Variants in ZNF568 observed in about 807,000 individuals in gnomAD.
The protein encoded by ZNF568 is p53 inhibitor of SCO2 activation.
In ZNF568, 11 loss-of-function variants were observed where a neutral mutation model predicts 18.1. The observed-to-expected ratio is 0.61, with a 90% CI of 0.38 to 1.00. The LOEUF (loss-of-function observed/expected upper bound fraction) is 1.00, where lower values mean the gene tolerates loss of function less well. Ranked by LOEUF, ZNF568 falls within the 50% of genes least tolerant of loss-of-function variation. The pLI is 0.01. For synonymous variants in ZNF568, 213 were observed against 246.6 expected (o/e 0.86, Z 1.28); for missense variants, 639 against 768.2 (o/e 0.83, Z 1.99).
At chr19:36,936,398 A>C (rs941196999) in intron 4 of ZNF568, among the ~76,000 whole-genome samples, 2 of 149,336 alleles carry the variant, frequency 1.3e-5, no homozygotes, top group Non-Finnish European at 3.0e-5. Context: ...GTGTTGATTC[A>C]AGTTCTAGTA....
chr19:36,986,175 C>G (rs1355513831), intron 2 of ZNF568, among the ~76,000 whole-genome samples: 6 of 152,142 alleles, frequency 3.9e-5, no homozygotes, highest in Non-Finnish European at 7.3e-5. Context: ...GAAAATGTTT[C>G]CCTTCTGCCA....
chr19:36,933,898 G>GTTTTTT lies in ZNF568; in HGVS notation c.136-2848_136-2847insTTTTTT, dbSNP rs200880642. Among the ~76,000 whole-genome samples, 17 of 25,760 alleles carry GTTTTTT rather than the reference G, an allele frequency of 6.6e-4. 3 individuals are homozygous for GTTTTTT. The highest frequency in any genetic ancestry group is 4.5e-3 in the African/African-American group (16 of 3,564). The allele number at this position is 25,760 out of a possible 152,430, so 16.9% of individuals were successfully genotyped here. ...TAGGCCTGAGTTTTTCTTTTGGGTA[G>GTTTTTT]GTTTTTTTTTTTGTTTTGTTTTTTT... On this transcript the variant is annotated intron_variant, in intron 4 of 6. Coordinates refer to ENST00000333987, the MANE Select transcript of ZNF568 (RefSeq NM_198539.4).
At chr19:36,919,442 G>T (rs1459664666) in intron 2 of ZNF568, among the ~76,000 whole-genome samples, 1 of 152,148 alleles carries the variant, frequency 6.6e-6, no homozygotes, top group African/African-American at 2.4e-5. Context: ...CAGGGACTGG[G>T]GGATGGGAGG....
intron 4 of ZNF568, among the ~76,000 whole-genome samples, chr19:36,926,016 A>G (rs547161151): frequency 2.5e-4 from 38 of 152,334 alleles, no homozygotes; most frequent in Admixed American, 8.5e-4. Flanking sequence ...CCAAACTTCA[A>G]AAATTCAAAT....
chr19:36,938,558 A>G (rs1301277608), intron 6 of ZNF568, among the ~76,000 whole-genome samples: 2 of 152,194 alleles, frequency 1.3e-5, no homozygotes, highest in Non-Finnish European at 2.9e-5. Flanking sequence ...TGAGCTTATA[A>G]TTTAATGGAA....
chr19:36,992,992 A>G (rs2074439095), intron 4 of ZNF568, among the ~76,000 whole-genome samples: 1 of 152,196 alleles, frequency 6.6e-6, no homozygotes, highest in African/African-American at 2.4e-5. Flanking sequence ...ATATTGCCAA[A>G]TAGTATTCCA....
chr19:36,944,475 C>A (rs1255593976), intron 6 of ZNF568, among the ~76,000 whole-genome samples: 1 of 151,578 alleles, frequency 6.6e-6, no homozygotes, highest in African/African-American at 2.4e-5. Flanking sequence ...AAGTATAGTG[C>A]CCTTTTACCT....
In ZNF568 at chr19:36,949,721, GACTT is replaced by G. The variant is rs779015650; in HGVS notation, c.574_577del (p.Leu192AspfsTer7). 1 of 1,613,858 alleles carries G rather than the reference GACTT, an allele frequency of 6.2e-7. No homozygotes were observed. Among genetic ancestry groups the G allele is most frequent in the Admixed American group, 1.7e-5 (1 of 60,018 alleles). Reference sequence around the variant, plus strand: ...TGATAAGGGTTTGGAACATAATTTAGACTTACTTAGATATGAGAAAGGCTGTGTA... The same window carrying G: ...TGATAAGGGTTTGGAACATAATTTAGACTTAGATATGAGAAAGGCTGTGTA... On this transcript the variant is annotated frameshift_variant, in exon 7 of 7. Coordinates refer to ENST00000333987, the MANE Select transcript of ZNF568 (RefSeq NM_198539.4). LOFTEE classifies it low-confidence loss of function (END_TRUNC).
intron 4 of ZNF568, among the ~76,000 whole-genome samples, chr19:36,926,148 G>A (rs376534472): frequency 2.0e-5 from 3 of 151,076 alleles, no homozygotes; most frequent in African/African-American, 7.3e-5. Context: ...GAATCTTATA[G>A]TTCTGATATC....
chr19:36,983,893 C>CTTT (rs57048125), downstream of ZNF568, among the ~76,000 whole-genome samples: 1,022 of 108,526 alleles, frequency 9.4e-3, 51 homozygotes, highest in East Asian at 0.045. Flanking sequence ...CAACTTTGTC[C>CTTT]TTTTTTTTTT....
At chr19:36,997,691 G>GACT, downstream of ZNF568, 7 of 974,580 alleles carry the variant, frequency 7.2e-6, no homozygotes, top group Non-Finnish European at 1.1e-5. Flanking sequence ...CAACATCAAA[G>GACT]AATTCATTCA....
At chr19:36,928,996 C>T (rs1323052631) in intron 4 of ZNF568, among the ~76,000 whole-genome samples, 1 of 151,766 alleles carries the variant, frequency 6.6e-6, no homozygotes. Flanking sequence ...TTATTTGAGC[C>T]GAGTCTAGAA....
At chr19:36,969,321 C>T (rs16971850) in intron 6 of ZNF568, among the ~76,000 whole-genome samples, 31,018 of 152,058 alleles carry the variant, frequency 0.2, 3,315 homozygotes, top group African/African-American at 0.28. Flanking sequence ...TTCTCTGATT[C>T]GTTACCATAA....
chr19:36,988,010 C>T (rs1019593495), intron 2 of ZNF568, among the ~76,000 whole-genome samples: 6 of 152,108 alleles, frequency 3.9e-5, no homozygotes, highest in Admixed American at 3.9e-4. Flanking sequence ...CTTTCTCAGG[C>T]TTTCTCTAGG....
At chr19:36,986,545 A>G (rs897527325) in intron 2 of ZNF568, among the ~76,000 whole-genome samples, 4 of 151,914 alleles carry the variant, frequency 2.6e-5, no homozygotes, top group African/African-American at 9.7e-5. Context: ...TTGATATTCA[A>G]TCTCTTATTT....
chr19:36,982,496 C>T (rs983876994), downstream of ZNF568, among the ~76,000 whole-genome samples: 1 of 152,050 alleles, frequency 6.6e-6, no homozygotes, highest in Non-Finnish European at 1.5e-5. Flanking sequence ...ATCAGGAATT[C>T]GAGACCAGCC....
At chr19:36,958,818 G>A (rs188975126) in intron 6 of ZNF568, among the ~76,000 whole-genome samples, 68 of 151,430 alleles carry the variant, frequency 4.5e-4, no homozygotes, top group African/African-American at 1.6e-3. Context: ...ACAGGGTTTC[G>A]CCATGTTGGC....
intron 4 of ZNF568, among the ~76,000 whole-genome samples, chr19:36,995,978 G>A (rs555044837): frequency 1.3e-5 from 2 of 152,182 alleles, no homozygotes; most frequent in African/African-American, 4.8e-5. Context: ...ATGGTAAGGG[G>A]GAATTCAGGT....
At chr19:36,925,969 T>TA (rs2073546738) in intron 4 of ZNF568, among the ~76,000 whole-genome samples, 1 of 152,186 alleles carries the variant, frequency 6.6e-6, no homozygotes, top group Non-Finnish European at 1.5e-5. Flanking sequence ...CCTTAATTCT[T>TA]ACAATTTTTA....
Sources: gnomAD v4.1 joint callset for allele counts (sites outside exome capture counted in the v4.1 genomes callset) on GRCh38, gnomAD v4.1.1 for gene constraint, MANE v1.5 for transcripts, NCBI Gene and HGNC (gene_info 2026-07-23, HGNC 2026-07-21) for gene names.